The following SPATA21 variants were observed in gnomAD, a reference collection of about 807,000 sequenced individuals.
The protein encoded by SPATA21 is spermatogenesis-associated protein 21.
SPATA21 carries 47 observed loss-of-function variants against 54.8 expected under a neutral mutation model. The ratio of observed to expected loss-of-function variants is 0.86; its 90% CI spans 0.68 to 1.09. The LOEUF (loss-of-function observed/expected upper bound fraction) is 1.09, where lower values mean the gene tolerates loss of function less well. Ranked by LOEUF, SPATA21 falls within the 50% of genes least tolerant of loss-of-function variation. The probability of loss-of-function intolerance (pLI) is 0.00; values close to 1 mark genes in which losing one functional copy is unlikely to be tolerated. For synonymous variants in SPATA21, 245 were observed against 235.3 expected, an observed-to-expected ratio of 1.04 and a Z score of -0.38; for missense variants, 599 against 596.4, an observed-to-expected ratio of 1.00 and a Z score of -0.05.
chr1:16,411,120 C>G (rs1473990401), intron 5 of SPATA21, among the ~76,000 whole-genome samples: 1 of 150,378 alleles, frequency 6.6e-6, no homozygotes, highest in African/African-American at 2.5e-5. Flanking sequence ...ACTCTCTCTT[C>G]CTAAGTTATC....
chr1:16,407,651 G>C (rs868607665), intron 7 of SPATA21, among the ~76,000 whole-genome samples: 10 of 151,912 alleles, frequency 6.6e-5, no homozygotes, highest in Admixed American at 3.3e-4. Flanking sequence ...GTAGAGACAG[G>C]GTTTCACCAT....
chr1:16,417,878 G>A (rs1409574783), intron 5 of SPATA21, among the ~76,000 whole-genome samples: 3 of 152,126 alleles, frequency 2.0e-5, no homozygotes, highest in African/African-American at 7.2e-5. Context: ...CTGGCCCTGG[G>A]CGCCCTTTCT....
chr1:16,399,288 C>T, intron 12 of SPATA21, 56 bp downstream of exon 12: 1 of 1,525,012 alleles, frequency 6.6e-7, no homozygotes, highest in Non-Finnish European at 8.8e-7. Flanking sequence ...GGCCAGGGGC[C>T]TCTTAAGGAA....
Position 16,431,388 on chromosome 1 carries a change from C to T in SPATA21, c.-17G>A, listed in dbSNP as rs751532630. ...ATTGTCCATGATGCCAGCGCCAACA[C>T]GGGTGCCAAGTGAGGGGCATCACCT... On this transcript the variant is annotated 5_prime_UTR_variant, in exon 3 of 13. The change creates a new upstream start codon in the 5' untranslated region. Transcript: ENST00000335496. The T allele has an allele frequency of 4.8e-5, 78 of 1,613,834 alleles. No individual in the cohort carries two copies. Among genetic ancestry groups the T allele is most frequent in the African/African-American group, 1.2e-4 (9 of 74,922 alleles).
rs12027014 is a variant in SPATA21, at chr1:16,428,568, T to A, written c.34+2770A>T. Among the ~76,000 whole-genome samples, 39,752 of 151,600 alleles carry A rather than the reference T, an allele frequency of 0.26. 5,899 individuals are homozygous for A. Among genetic ancestry groups the A allele is most frequent in the East Asian group, 0.74 (3,680 of 4,956 alleles). On this transcript the variant is annotated intron_variant, in intron 3 of 12. Transcript: ENST00000335496. This position sits in a 1 kb window ranked among gnomAD's most constrained non-coding sequence, Gnocchi z 4.3. ...CCATGCCCAACTAATTTTTTTTTTT[T>A]ATTTTTTTTGTAGGCCAGGCTGGTC...
chr1:16,405,519 G>A (rs2085611115), intron 7 of SPATA21, among the ~76,000 whole-genome samples: 2 of 147,584 alleles, frequency 1.4e-5, no homozygotes, highest in Non-Finnish European at 3.0e-5. Flanking sequence ...AAAAAAACTG[G>A]GCATGGTGGT....
At chr1:16,399,318 C>T in intron 12 of SPATA21, 26 bp downstream of exon 12, 1 of 1,593,004 alleles carries the variant, frequency 6.3e-7, no homozygotes, top group Non-Finnish European at 8.6e-7. Context: ...AGGGCCTGGG[C>T]TGGGACCCTT....
At chr1:16,425,697 A>G (rs1336073935) in intron 3 of SPATA21, 2 of 1,549,924 alleles carry the variant, frequency 1.3e-6, no homozygotes, top group Non-Finnish European at 8.7e-7. Context: ...AGCTCCTGGG[A>G]CCCTTCCTGG....
At chr1:16,410,900 C>A in intron 5 of SPATA21, 1 of 300,612 alleles carries the variant, frequency 3.3e-6, no homozygotes, top group Non-Finnish European at 6.9e-6. Flanking sequence ...TTTGTTCATG[C>A]CTGTTGTCTG....
chr1:16,398,801 T>A lies in SPATA21; in HGVS notation c.1374A>T (p.Arg458Ser). ...QGNREHNSDS[R>S]KWLSSVPART... is the part of the protein sequence containing the mutation. ...GAGCTGGCACAGAGCTGAGCCACTT[T>A]CTGCTGTCAGAGTTGTGTTCCCTGG... The change falls in exon 13 of 13, where the codon AGA (arginine) becomes AGT (serine). Residue 458 changes from arginine to serine, a missense_variant. Physicochemically the swap from Arg to Ser is moderately radical, Grantham distance 110 (BLOSUM62 -1). Coordinates refer to ENST00000335496, the MANE Select transcript of SPATA21 (RefSeq NM_198546.1). The A allele has an allele frequency of 1.2e-6, 2 of 1,613,596 alleles. No homozygotes were observed. The highest frequency in any genetic ancestry group is 1.7e-6 in the Non-Finnish European group (2 of 1,179,720).
intron 10 of SPATA21, 102 bp downstream of exon 10, chr1:16,403,624 CT>C: frequency 1.9e-6 from 2 of 1,041,278 alleles, no homozygotes; most frequent in Non-Finnish European, 3.0e-6. Context: ...GTTTCTTTCA[CT>C]TGTGACTAAA....
chr1:16,398,077 G>A (rs978862286), downstream of SPATA21: 19 of 882,322 alleles, frequency 2.2e-5, no homozygotes, highest in African/African-American at 1.3e-4. Context: ...ACCCTGCACC[G>A]CGGGCTCCTG....
downstream of SPATA21, chr1:16,395,901 G>T (rs1570059435): frequency 6.5e-6 from 1 of 152,752 alleles, no homozygotes. Flanking sequence ...AGGGCATCTG[G>T]GCCTTGCCTG....
chr1:16,416,873 G>C (rs2100844033), intron 5 of SPATA21, among the ~76,000 whole-genome samples: 1 of 152,264 alleles, frequency 6.6e-6, no homozygotes, highest in East Asian at 1.9e-4. Context: ...CCCTCAGCAA[G>C]TGCGGCACAC....
intron 1 of SPATA21, among the ~76,000 whole-genome samples, chr1:16,435,956 A>G (rs1383097317): frequency 6.6e-6 from 1 of 152,200 alleles, no homozygotes; most frequent in Non-Finnish European, 1.5e-5. Context: ...AATTTTTGTA[A>G]AAGTCCCATT....
chr1:16,423,726 T>G (rs1333712119), intron 3 of SPATA21, among the ~76,000 whole-genome samples: 1 of 151,650 alleles, frequency 6.6e-6, no homozygotes, highest in Non-Finnish European at 1.5e-5. Context: ...ATATTTTTAG[T>G]AGAGACGGGG....
intron 3 of SPATA21, chr1:16,425,463 C>T: frequency 6.7e-7 from 1 of 1,492,382 alleles, no homozygotes; most frequent in African/African-American, 1.4e-5. Context: ...AGGAGGGGGG[C>T]TCTTTCACCT....
intron 7 of SPATA21, among the ~76,000 whole-genome samples, chr1:16,406,365 G>A (rs907796): frequency 0.47 from 71,199 of 152,054 alleles, 17,223 homozygotes; most frequent in East Asian, 0.68. Flanking sequence ...TGTGTTTGAA[G>A]ATAGGGCCTT....
rs1470536484 is a variant in SPATA21 at position 16,403,785 on chromosome 1, G to A, written c.943C>T (p.Leu315=). The change falls in exon 10 of 13, where the codon CTG becomes TTG. Residue 315 remains leucine (L), a synonymous_variant. Coordinates refer to ENST00000335496, the MANE Select transcript of SPATA21 (RefSeq NM_198546.1). ...GCCAGCATCTCTACCAGCAGGGACA[G>A]GATCTCAAAGAGTAGAGTGTGGGGG... is the stretch of plus-strand genomic sequence containing the variant. ...HNPHTLLFEI[L]SLLVEMLALP... The A allele has an allele frequency of 6.2e-7, 1 of 1,613,542 alleles. No individual in the cohort carries two copies. Among genetic ancestry groups the A allele is most frequent in the Admixed American group, 1.7e-5 (1 of 59,924 alleles).
Sources: allele counts gnomAD v4.1 joint callset (sites outside exome capture counted in the v4.1 genomes callset), GRCh38; gene constraint gnomAD v4.1.1; non-coding constraint Gnocchi (gnomAD v3.1); transcripts MANE v1.5; gene names NCBI Gene and HGNC (gene_info 2026-07-23, HGNC 2026-07-21).